Variants in B3GALT1 observed in about 807,000 individuals in gnomAD.
B3GALT1 encodes the protein UDP-Gal:betaGlcNAc beta 1,3-galactosyltransferase, polypeptide 1.
In B3GALT1, 10 loss-of-function variants were observed where a neutral mutation model predicts 23.2. The ratio of observed to expected loss-of-function variants is 0.43; its 90% confidence interval spans 0.27 to 0.73. The LOEUF (loss-of-function observed/expected upper bound fraction) is 0.73. B3GALT1 is among the 30% of genes least tolerant of loss of function. The probability of loss-of-function intolerance (pLI) is 0.21; values close to 1 mark genes in which losing one functional copy is unlikely to be tolerated. For synonymous variants in B3GALT1, 156 were observed against 141.5 expected (o/e 1.10, Z -0.73); for missense variants, 299 against 405.4 (o/e 0.74, Z 2.25).
At chr2:167,642,312 A>G (rs11682784) in intron 2 of B3GALT1, among the ~76,000 whole-genome samples, 1,779 of 152,324 alleles carry the variant, frequency 0.012, 20 homozygotes, top group South Asian at 0.026. Flanking sequence ...ACCTAAAGCT[A>G]TATCTTAGTT....
intron 2 of B3GALT1, among the ~76,000 whole-genome samples, chr2:167,537,145 T>G (rs1364775847): frequency 6.6e-6 from 1 of 152,130 alleles, no homozygotes; most frequent in Admixed American, 6.6e-5. Flanking sequence ...TGGCAGAAGT[T>G]GAATGAGTAG....
chr2:167,359,325 C>T (rs1243389029), intron 1 of B3GALT1, among the ~76,000 whole-genome samples: 3 of 152,152 alleles, frequency 2.0e-5, no homozygotes, highest in Admixed American at 2.0e-4. Flanking sequence ...GTGTTTAACA[C>T]ACTCCCTAAA....
At chr2:167,486,691 C>G (rs889996199) in intron 1 of B3GALT1, among the ~76,000 whole-genome samples, 1 of 152,136 alleles carries the variant, frequency 6.6e-6, no homozygotes, top group Non-Finnish European at 1.5e-5. Context: ...GCACTCCAGC[C>G]TGGTGAAAGA....
chr2:167,393,208 T>A (rs1309003474), intron 1 of B3GALT1, among the ~76,000 whole-genome samples: 1 of 147,032 alleles, frequency 6.8e-6, no homozygotes, highest in Non-Finnish European at 1.5e-5. Context: ...CACTCCAGCC[T>A]GGGCGACAGA....
intron 3 of B3GALT1, among the ~76,000 whole-genome samples, chr2:167,758,187 T>C (rs987770318): frequency 3.9e-5 from 6 of 152,044 alleles, no homozygotes; most frequent in African/African-American, 1.4e-4. Context: ...AATAAGAACA[T>C]ATAACAATAT....
Position 167,411,214 on chromosome 2 carries a change from ATCT to A in B3GALT1, c.-510-78959_-510-78957del, listed in dbSNP as rs531139911. Among the ~76,000 whole-genome samples the A allele has an allele frequency of 3.7e-3, 557 of 150,632 alleles. 6 individuals are homozygous for A. The highest frequency in any genetic ancestry group is 0.021 in the Middle Eastern group (6 of 292). On this transcript the variant is annotated intron_variant, in intron 1 of 4. Coordinates refer to ENST00000392690, the MANE Select transcript of B3GALT1 (RefSeq NM_020981.4). ...CAAATGGGATTACATCAAGCTAAAA[ATCT>A]TCTGTATAACAACAACAACAACAAC...
At chr2:167,842,051 G>A (rs1006448177) in intron 4 of B3GALT1, among the ~76,000 whole-genome samples, 2 of 152,164 alleles carry the variant, frequency 1.3e-5, no homozygotes, top group African/African-American at 4.8e-5. Context: ...GAATTAAAAT[G>A]TATTCCCTGA....
At chr2:167,522,411 G>C (rs955224745) in intron 2 of B3GALT1, among the ~76,000 whole-genome samples, 1 of 151,838 alleles carries the variant, frequency 6.6e-6, no homozygotes. Flanking sequence ...TATTCCACTT[G>C]CACTTAAAAC....
At chr2:167,314,389 C>T (rs1382350483) in intron 1 of B3GALT1, among the ~76,000 whole-genome samples, 2 of 152,120 alleles carry the variant, frequency 1.3e-5, no homozygotes, top group Non-Finnish European at 2.9e-5. Flanking sequence ...ACATTATAAG[C>T]TAATTGGTGT....
intron 3 of B3GALT1, among the ~76,000 whole-genome samples, chr2:167,771,696 T>C (rs540641161): frequency 6.6e-6 from 1 of 152,370 alleles, no homozygotes; most frequent in South Asian, 2.1e-4. Context: ...CATGTATACA[T>C]GCATTTTTAA....
intron 2 of B3GALT1, among the ~76,000 whole-genome samples, chr2:167,503,080 A>C (rs1006233877): frequency 1.3e-5 from 2 of 152,090 alleles, no homozygotes; most frequent in Non-Finnish European, 2.9e-5. Context: ...AAAATTCGAC[A>C]TGAGATTTGA....
intron 1 of B3GALT1, among the ~76,000 whole-genome samples, chr2:167,482,531 C>T (rs180896060): frequency 3.3e-5 from 5 of 152,222 alleles, no homozygotes; most frequent in South Asian, 2.1e-4. Context: ...CAATATATAC[C>T]GTGTCTTTAA....
At chr2:167,853,193 G>C (rs1419668885) in intron 4 of B3GALT1, among the ~76,000 whole-genome samples, 1 of 152,134 alleles carries the variant, frequency 6.6e-6, no homozygotes, top group Non-Finnish European at 1.5e-5. Context: ...CGCATTCTCA[G>C]TTTCAACTTT....
intron 2 of B3GALT1, among the ~76,000 whole-genome samples, chr2:167,576,591 A>G (rs1684393673): frequency 6.7e-6 from 1 of 150,286 alleles, no homozygotes; most frequent in Non-Finnish European, 1.5e-5. Flanking sequence ...ATTCAGGGCA[A>G]AAGCCTTAGC....
rs12612158 is a variant in B3GALT1 at position 167,579,706 on chromosome 2, C to T, written c.-409-67203C>T. On this transcript the variant is annotated intron_variant, in intron 2 of 4. Transcript: ENST00000392690. Reference sequence around the variant, plus strand: ...AGCCATTCCCTCTTGATACTGCAGTCAGTACCTTTGGTTCATCTTATAGTG... The same window carrying T: ...AGCCATTCCCTCTTGATACTGCAGTTAGTACCTTTGGTTCATCTTATAGTG... Among the ~76,000 whole-genome samples, 124 of 152,116 alleles carry T rather than the reference C, an allele frequency of 8.2e-4. 1 individual carries two copies. In the East Asian group the frequency reaches 0.023, roughly 28 times the overall value.
At chr2:167,671,836 A>C (rs1686330651) in intron 3 of B3GALT1, among the ~76,000 whole-genome samples, 1 of 152,144 alleles carries the variant, frequency 6.6e-6, no homozygotes, top group South Asian at 2.1e-4. Context: ...AATGATTGAC[A>C]AAACTAAAAG....
chr2:167,582,012 G>A (rs1684492046), intron 2 of B3GALT1, among the ~76,000 whole-genome samples: 1 of 152,138 alleles, frequency 6.6e-6, no homozygotes, highest in African/African-American at 2.4e-5. Context: ...AGCTTGCAGA[G>A]TGACAGCACT....
At chr2:167,743,092 C>T (rs1375312) in intron 3 of B3GALT1, among the ~76,000 whole-genome samples, 151,452 of 152,200 alleles carry the variant, frequency 1, 75,359 homozygotes, top group East Asian at 1. Flanking sequence ...ATAATTGTTA[C>T]TGTAGCTATA....
chr2:167,407,699 A>G (rs1379959808), intron 1 of B3GALT1, among the ~76,000 whole-genome samples: 1 of 152,194 alleles, frequency 6.6e-6, no homozygotes, highest in Non-Finnish European at 1.5e-5. Context: ...AGACACTATT[A>G]TGAACAATTA....
Sources: gnomAD v4.1 joint callset for allele counts (sites outside exome capture counted in the v4.1 genomes callset) on GRCh38, gnomAD v4.1.1 for gene constraint, MANE v1.5 for transcripts, NCBI Gene and HGNC (gene_info 2026-07-23, HGNC 2026-07-21) for gene names.